The following CCDC77 variants were observed in gnomAD, a reference collection of about 807,000 sequenced individuals.
CCDC77 encodes the protein coiled-coil domain-containing protein 77.
CCDC77 carries 56 observed loss-of-function variants against 66.8 expected under a neutral mutation model. The observed-to-expected ratio is 0.84, with a 90% CI of 0.68 to 1.05. The LOEUF (loss-of-function observed/expected upper bound fraction) is 1.05. CCDC77 is among the 50% of genes least tolerant of loss of function. CCDC77 has a pLI of 0.00. For synonymous variants in CCDC77, 196 were observed against 195.2 expected (o/e 1.00, Z -0.03); for missense variants, 570 against 576.8 (o/e 0.99, Z 0.12).
chr12:397,953 A>G (rs557735559), upstream of CCDC77, among the ~76,000 whole-genome samples: 1 of 152,158 alleles, frequency 6.6e-6, no homozygotes, highest in African/African-American at 2.4e-5. Context: ...GCCTTAAAAT[A>G]CTTTATTCTA....
intron 5 of CCDC77, among the ~76,000 whole-genome samples, chr12:424,371 CT>C (rs35694646): frequency 4.0e-3 from 571 of 142,836 alleles, no homozygotes; most frequent in East Asian, 3.6e-3. Flanking sequence ...ATTTTCTCCT[CT>C]TTTTTTTTTT....
In CCDC77 at chr12:440,734, ATCT is replaced by A; in HGVS notation, c.1162_1164del (p.Phe388del). 1.2e-6 allele frequency: 2 copies of A among 1,614,076 alleles called. No homozygotes were observed. Among genetic ancestry groups the A allele is most frequent in the Admixed American group, 3.3e-5 (2 of 60,020 alleles). On this transcript the variant is annotated inframe_deletion, in exon 11 of 13. Transcript: ENST00000239830. ...TGAGGAAGAGGGAATGAGGAGAGAGATCTTCAAGGTACGAAATTATCTGCCACT... is the reference window on the plus strand; with the variant it reads ...TGAGGAAGAGGGAATGAGGAGAGAGATCAAGGTACGAAATTATCTGCCACT...
At position 416,382 on chromosome 12, in the gene CCDC77, T is replaced by TAC. The variant is rs1424509169; in HGVS notation, c.271-2111_271-2110insCA. ...GTGTGTGTGTGTGTGTGTGTGTATA[T>TAC]ATATATATATATATATATATATATA... On this transcript the variant is annotated intron_variant, in intron 4 of 12. Coordinates refer to ENST00000239830, the MANE Select transcript of CCDC77 (RefSeq NM_032358.4). Among the ~76,000 whole-genome samples the TAC allele has an allele frequency of 9.9e-3, 201 of 20,206 alleles. 27 individuals are homozygous for TAC. The highest frequency in any genetic ancestry group is 0.048 in the African/African-American group (197 of 4,084). 13.3% of individuals were successfully genotyped at this position (20,206 alleles called of 152,430 possible). A position where few individuals can be genotyped will look rare whatever the true frequency, so the allele number is the denominator to read the frequency against.
At chr12:393,507 T>A (rs150523718) in intron 1 of CCDC77, among the ~76,000 whole-genome samples, 2,494 of 151,694 alleles carry the variant, frequency 0.016, 32 homozygotes, top group East Asian at 0.066. Flanking sequence ...TTTTTTACAC[T>A]GTTACATTAA....
intron 2 of CCDC77, among the ~76,000 whole-genome samples, chr12:408,465 G>A (rs895743204): frequency 3.3e-5 from 5 of 152,088 alleles, no homozygotes; most frequent in Admixed American, 3.3e-4. Flanking sequence ...TAGCATCAGT[G>A]GCTTTATATT....
intron 5 of CCDC77, among the ~76,000 whole-genome samples, chr12:422,739 T>A (rs1459404516): frequency 2.6e-5 from 4 of 152,180 alleles, no homozygotes; most frequent in Non-Finnish European, 4.4e-5. Context: ...GCCTCTTGAG[T>A]AACTGGGACT....
chr12:442,192 A>G lies in CCDC77; in HGVS notation c.*272A>G. The G allele has an allele frequency of 3.4e-6, 1 of 290,030 alleles. No homozygotes were observed. The highest frequency in any genetic ancestry group is 4.8e-5 in the Admixed American group (1 of 20,694). The allele number at this position is 290,030 out of a possible 1,614,324, so 18.0% of individuals were successfully genotyped here. A position where few individuals can be genotyped will look rare whatever the true frequency, so the allele number is the denominator to read the frequency against. ...GGCTTTCATTATTTATCCTGTCTGT[A>G]TTGACCGGTTTTTGTTTTTTCAGAA... is the stretch of plus-strand genomic sequence containing the variant. On this transcript the variant is annotated 3_prime_UTR_variant, in exon 13 of 13. Coordinates refer to ENST00000239830, the MANE Select transcript of CCDC77 (RefSeq NM_032358.4).
At position 418,626 on chromosome 12, in the gene CCDC77, C is replaced by T. The variant is rs147266504; in HGVS notation, c.403C>T (p.Leu135=). ...ACGCCTCTACTCAGAAAATGACCGA[C>T]TGAGAATCAGGTACCAAATAGGAGA... The part of the protein sequence containing the change: ...VLRLYSENDR[L]RIRELEDKKK... Residue 135 remains leucine (L), a synonymous_variant, in exon 5 of 13, where the codon CTG becomes TTG. Transcript: ENST00000239830. 2.2e-4 allele frequency: 348 copies of T among 1,613,650 alleles called. No homozygotes were observed. In the African/African-American group the frequency reaches 4.3e-3, roughly 20 times the overall value.
chr12:437,757 G>A (rs149586212), intron 9 of CCDC77, among the ~76,000 whole-genome samples: 1 of 149,324 alleles, frequency 6.7e-6, no homozygotes, highest in African/African-American at 2.5e-5. Flanking sequence ...GAGACAGAAG[G>A]ATTGCTTGAG....
At chr12:435,079 T>G (rs569422514) in intron 9 of CCDC77, among the ~76,000 whole-genome samples, 79 of 117,216 alleles carry the variant, frequency 6.7e-4, no homozygotes, top group South Asian at 3.9e-3. Flanking sequence ...TCACATGTAT[T>G]CCGTTTCCAA....
upstream of CCDC77, among the ~76,000 whole-genome samples, chr12:397,508 A>G (rs947966977): frequency 6.6e-6 from 1 of 152,160 alleles, no homozygotes; most frequent in African/African-American, 2.4e-5. Context: ...AATAAAGTGA[A>G]TATCACCATA....
At chr12:402,288 A>C (rs767918334) in intron 1 of CCDC77, among the ~76,000 whole-genome samples, 2 of 152,230 alleles carry the variant, frequency 1.3e-5, no homozygotes, top group African/African-American at 2.4e-5. Context: ...GCACGCTAGC[A>C]TGGGAGAAAC....
At chr12:412,428 T>C (rs1047410742) in intron 4 of CCDC77, among the ~76,000 whole-genome samples, 5 of 152,248 alleles carry the variant, frequency 3.3e-5, no homozygotes, top group African/African-American at 1.2e-4. Context: ...TGTGGCATCA[T>C]CCAGTTCTCT....
chr12:398,864 A>G (rs186688667), upstream of CCDC77, among the ~76,000 whole-genome samples: 441 of 152,062 alleles, frequency 2.9e-3, 2 homozygotes, highest in African/African-American at 0.01. Flanking sequence ...GGCTCAAGCA[A>G]TCCTCCCACC....
At chr12:389,576 A>AGGCGGGGCGAGGCGCGACGC (rs1944712559) in intron 1 of CCDC77, 10 of 273,246 alleles carry the variant, frequency 3.7e-5, no homozygotes, top group African/African-American at 2.0e-4. Context: ...AGGCGCAACG[A>AGGCGGGGCGAGGCGCGACGC]GGCGGGGCGA....
chr12:428,235 G>A (rs993523882), intron 5 of CCDC77, among the ~76,000 whole-genome samples: 5 of 152,140 alleles, frequency 3.3e-5, no homozygotes, highest in African/African-American at 4.8e-5. Flanking sequence ...AGAAGTGGCC[G>A]GGCGCAGTGG....
chr12:422,893 T>C (rs954360722), intron 5 of CCDC77, among the ~76,000 whole-genome samples: 51 of 151,578 alleles, frequency 3.4e-4, no homozygotes, highest in African/African-American at 1.1e-3. Flanking sequence ...GGATTACAGG[T>C]GTGTGCTACT....
chr12:416,113 T>C (rs949344029), intron 4 of CCDC77, among the ~76,000 whole-genome samples: 3 of 151,600 alleles, frequency 2.0e-5, no homozygotes, highest in African/African-American at 7.3e-5. Context: ...GCCCAATTTT[T>C]TATTTTTTGT....
intron 12 of CCDC77, 115 bp from the exon 13 acceptor site, chr12:441,659 A>G (rs1043399448): frequency 2.4e-5 from 25 of 1,057,572 alleles, no homozygotes; most frequent in African/African-American, 6.4e-5. Context: ...AATTTATCCT[A>G]TGTACTCAAA....
Sources: allele counts gnomAD v4.1 joint callset (sites outside exome capture counted in the v4.1 genomes callset), GRCh38; gene constraint gnomAD v4.1.1; transcripts MANE v1.5; gene names NCBI Gene and HGNC (gene_info 2026-07-23, HGNC 2026-07-21).